The following ABLIM1 variants were observed in gnomAD, a reference collection of about 807,000 sequenced individuals.
ABLIM1 encodes the protein actin binding LIM protein 1, also known as actin-binding LIM protein 1.
In ABLIM1, 40 loss-of-function variants were observed where a neutral mutation model predicts 107.0. That is an observed-to-expected ratio of 0.37 (90% CI 0.29 to 0.49). ABLIM1 has a LOEUF of 0.49. ABLIM1 is among the 20% of genes least tolerant of loss of function. ABLIM1 has a pLI of 0.97. For synonymous variants in ABLIM1, 357 were observed against 357.3 expected (o/e 1.00, Z 0.01); for missense variants, 857 against 1,008.5 (o/e 0.85, Z 2.04).
intron 1 of ABLIM1, among the ~76,000 whole-genome samples, chr10:114,648,187 C>A (rs2079086098): frequency 6.6e-6 from 1 of 151,998 alleles, no homozygotes; most frequent in Admixed American, 6.6e-5. Flanking sequence ...CGGTATATAC[C>A]CAAGGGGACT....
At chr10:114,486,922 A>G (rs2058278501) in intron 8 of ABLIM1, among the ~76,000 whole-genome samples, 1 of 152,218 alleles carries the variant, frequency 6.6e-6, no homozygotes, top group South Asian at 2.1e-4. Flanking sequence ...GTTCATTCAG[A>G]GAATAAAGCA....
intron 1 of ABLIM1, among the ~76,000 whole-genome samples, chr10:114,638,555 C>T (rs1163912898): frequency 6.6e-6 from 1 of 152,096 alleles, no homozygotes; most frequent in Non-Finnish European, 1.5e-5. Context: ...CATGGGCCCT[C>T]TCTTTGGGTT....
chr10:114,602,194 G>T (rs1203934971), intron 1 of ABLIM1, among the ~76,000 whole-genome samples: 1 of 152,156 alleles, frequency 6.6e-6, no homozygotes, highest in African/African-American at 2.4e-5. Flanking sequence ...GGAGCCTGCT[G>T]TCTTCTCCCT....
chr10:114,526,903 C>G (rs1480779805), intron 6 of ABLIM1: 15 of 985,394 alleles, frequency 1.5e-5, no homozygotes, highest in Non-Finnish European at 1.8e-5. Context: ...CGGGCAGGCA[C>G]GCTCTCTCAC....
chr10:114,637,136 G>T (rs1326646900), intron 1 of ABLIM1, among the ~76,000 whole-genome samples: 1 of 151,872 alleles, frequency 6.6e-6, no homozygotes, highest in East Asian at 1.9e-4. Context: ...CCCCACCTCA[G>T]GTCTGACTGA....
rs1350390484 is a variant in ABLIM1 at position 114,657,927 on chromosome 10, AC to A, written c.244+29del. The A allele has an allele frequency of 1.9e-6, 3 of 1,570,438 alleles. No homozygotes were observed. The South Asian group carries it at 3.4e-5, about 18-fold the overall frequency. Reference sequence around the variant, plus strand: ...AATTACGCCAATCACAAAACACAAAACCATGTCCAGAGAGGGTTATTTTACT... The same window carrying A: ...AATTACGCCAATCACAAAACACAAAACATGTCCAGAGAGGGTTATTTTACT... On this transcript the variant is annotated intron_variant, in intron 1 of 22. Transcript: ENST00000533213.
chr10:114,624,988 T>C (rs2077697489), intron 1 of ABLIM1, among the ~76,000 whole-genome samples: 1 of 152,154 alleles, frequency 6.6e-6, no homozygotes, highest in Non-Finnish European at 1.5e-5. Flanking sequence ...GATGGGAAAT[T>C]CACAGTTGAG....
At chr10:114,471,794 C>T (rs150337573) in intron 10 of ABLIM1, among the ~76,000 whole-genome samples, 2 of 152,148 alleles carry the variant, frequency 1.3e-5, no homozygotes, top group African/African-American at 4.8e-5. Flanking sequence ...CTGTGAGATG[C>T]TAGATTGTTT....
rs76035112 is a variant in ABLIM1, at chr10:114,472,857, C to T, written c.1275+120G>A. On this transcript the variant is annotated intron_variant, in intron 10 of 22. Coordinates refer to ENST00000533213, the MANE Select transcript of ABLIM1 (RefSeq NM_002313.7). The stretch of plus-strand genomic sequence containing the variant: ...TCAAAGCACCTGGTCTAGAAATCTG[C>T]AAATACTAGGCAGACAAAAGACCAC... 721 of 1,060,210 alleles carry T rather than the reference C, an allele frequency of 6.8e-4. 9 individuals are homozygous for T. In the African/African-American group the frequency reaches 0.01, roughly 15 times the overall value. 65.7% of individuals were successfully genotyped at this position (1,060,210 alleles called of 1,614,324 possible).
At chr10:114,568,196 CAAAAAAAAAAAA>C (rs34861242) in intron 4 of ABLIM1, among the ~76,000 whole-genome samples, 11 of 52,392 alleles carry the variant, frequency 2.1e-4, no homozygotes, top group African/African-American at 7.9e-4. Context: ...GACTCCGTCT[CAAAAAAAAAAAA>C]AAAAAAAAAA....
At chr10:114,783,275 A>AAAATAAAT in the ABLIM1 span, among the ~76,000 whole-genome samples, 82 of 151,620 alleles carry the variant, frequency 5.4e-4, no homozygotes, top group African/African-American at 2.0e-3. Flanking sequence ...CTCCGTCTCA[A>AAAATAAAT]AAATAAATAA....
In ABLIM1 at chr10:114,488,123, GAAGGTGTTATTGCTTTATGTCC is replaced by G. The variant is rs1256885524; in HGVS notation, c.983-129_983-108del. 1.3e-4 allele frequency: 159 copies of G among 1,206,526 alleles called. 1 individual carries two copies. The South Asian group carries it at 1.8e-3, about 14-fold the overall frequency. 74.7% of individuals were successfully genotyped at this position (1,206,526 alleles called of 1,614,324 possible). A position where few individuals can be genotyped will look rare whatever the true frequency, so the allele number is the denominator to read the frequency against. On this transcript the variant is annotated intron_variant, in intron 7 of 22. Transcript: ENST00000533213. ...TCCTATCCCTCTTTCCCCATCATAG[GAAGGTGTTATTGCTTTATGTCC>G]AAGTGAATCATAACACAAAAATCAG...
upstream of ABLIM1, among the ~76,000 whole-genome samples, chr10:114,769,480 A>G (rs1023770522): frequency 1.7e-3 from 242 of 142,780 alleles, no homozygotes; most frequent in Middle Eastern, 0.015. Flanking sequence ...AGAAAGAAAG[A>G]GAAAGAAAGA....
chr10:114,492,893 T>G (rs1222450667), intron 6 of ABLIM1, among the ~76,000 whole-genome samples: 1 of 152,186 alleles, frequency 6.6e-6, no homozygotes, highest in African/African-American at 2.4e-5. Flanking sequence ...AAGATCCACT[T>G]AGCAACCAGC....
At chr10:114,711,209 G>C (rs527243960) in intron 1 of ABLIM1, among the ~76,000 whole-genome samples, 49 of 152,266 alleles carry the variant, frequency 3.2e-4, no homozygotes, top group African/African-American at 1.1e-3. Flanking sequence ...TGCTTTCCAG[G>C]CTCCCATTAG....
At chr10:114,500,550 C>T (rs1163457220) in intron 6 of ABLIM1, among the ~76,000 whole-genome samples, 2 of 151,884 alleles carry the variant, frequency 1.3e-5, no homozygotes, top group Non-Finnish European at 2.9e-5. Context: ...CATGGTGGTA[C>T]TTGCCTATAG....
At chr10:114,717,724 G>A (rs2081704742) in intron 1 of ABLIM1, among the ~76,000 whole-genome samples, 1 of 151,972 alleles carries the variant, frequency 6.6e-6, no homozygotes, top group Admixed American at 6.6e-5. Context: ...AGATCAGCCT[G>A]GGTAACATGG....
At chr10:114,465,946 C>T (rs924891019) in intron 11 of ABLIM1, 119 bp from the exon 12 acceptor site, 2 of 1,169,970 alleles carry the variant, frequency 1.7e-6, no homozygotes, top group African/African-American at 3.2e-5. Context: ...TTAATATATG[C>T]ACTTATTTTT....
At chr10:114,546,870 T>C (rs932807121) in intron 5 of ABLIM1, among the ~76,000 whole-genome samples, 2 of 152,286 alleles carry the variant, frequency 1.3e-5, no homozygotes, top group Non-Finnish European at 2.9e-5. Flanking sequence ...AGCCTTGATC[T>C]CCTGGGCTCA....
Sources: gnomAD v4.1 joint callset for allele counts (sites outside exome capture counted in the v4.1 genomes callset) on GRCh38, gnomAD v4.1.1 for gene constraint, MANE v1.5 for transcripts, NCBI Gene and HGNC (gene_info 2026-07-23, HGNC 2026-07-21) for gene names.